PARN: variants seen among roughly 807,000 people sequenced by gnomAD.
The protein encoded by PARN is poly(A)-specific ribonuclease PARN.
In PARN, 71 loss-of-function variants were observed where a neutral mutation model predicts 102.8. The ratio of observed to expected loss-of-function variants is 0.69; its 90% confidence interval spans 0.57 to 0.84. The LOEUF (loss-of-function observed/expected upper bound fraction) is 0.84, where lower values mean the gene tolerates loss of function less well. PARN is among the 40% of genes least tolerant of loss of function. PARN has a pLI of 0.00. For synonymous variants in PARN, 261 were observed against 252.9 expected, an observed-to-expected ratio of 1.03 and a Z score of -0.30; for missense variants, 782 against 760.9, an observed-to-expected ratio of 1.03 and a Z score of -0.33.
At chr16:14,595,910 C>G (rs1200823747) in intron 12 of PARN, among the ~76,000 whole-genome samples, 1 of 152,152 alleles carries the variant, frequency 6.6e-6, no homozygotes, top group African/African-American at 2.4e-5. Flanking sequence ...AGCAGTCCTC[C>G]TGCCTTGACC....
intron 22 of PARN, among the ~76,000 whole-genome samples, chr16:14,459,569 T>C (rs1018125222): frequency 6.6e-6 from 1 of 152,200 alleles, no homozygotes; most frequent in Non-Finnish European, 1.5e-5. Flanking sequence ...GAAGACTCAA[T>C]GTAGTTAAGA....
intron 22 of PARN, among the ~76,000 whole-genome samples, chr16:14,462,847 A>C (rs984912471): frequency 1.3e-5 from 2 of 152,222 alleles, no homozygotes; most frequent in East Asian, 3.8e-4. Context: ...AATCAGACAA[A>C]ATACATGAAA....
chr16:14,573,580 AGAT>A (rs1275372259), intron 18 of PARN, among the ~76,000 whole-genome samples: 2 of 152,250 alleles, frequency 1.3e-5, no homozygotes, highest in African/African-American at 2.4e-5. Flanking sequence ...CCTCGACGGA[AGAT>A]GATACGCTTT....
At chr16:14,547,204 T>A (rs1967007740) in intron 21 of PARN, among the ~76,000 whole-genome samples, 1 of 152,068 alleles carries the variant, frequency 6.6e-6, no homozygotes, top group Non-Finnish European at 1.5e-5. Flanking sequence ...ACTGGCCATG[T>A]ACTGCTTCAT....
At chr16:14,630,015 G>T in intron 1 of PARN, 92 bp downstream of exon 1, 1 of 1,200,138 alleles carries the variant, frequency 8.3e-7, no homozygotes, top group Non-Finnish European at 1.2e-6. Context: ...CTCAGCCCCA[G>T]GCCCAGCCAA....
At chr16:14,571,645 G>A (rs952350426) in intron 18 of PARN, among the ~76,000 whole-genome samples, 1 of 152,140 alleles carries the variant, frequency 6.6e-6, no homozygotes, top group Non-Finnish European at 1.5e-5. Flanking sequence ...TCAGAGAAGT[G>A]TCTCAAACTA....
At chr16:14,538,312 G>A (rs552212522) in intron 21 of PARN, among the ~76,000 whole-genome samples, 8 of 150,650 alleles carry the variant, frequency 5.3e-5, no homozygotes, top group African/African-American at 1.2e-4. Flanking sequence ...TTTGCCCCAC[G>A]GGTTCAAGCA....
At chr16:14,542,823 T>C (rs1004828426) in intron 21 of PARN, among the ~76,000 whole-genome samples, 1 of 151,938 alleles carries the variant, frequency 6.6e-6, no homozygotes, top group Non-Finnish European at 1.5e-5. Context: ...AACAGAGCAT[T>C]AGGAAATACC....
intron 21 of PARN, among the ~76,000 whole-genome samples, chr16:14,530,235 G>C (rs775065954): frequency 1.1e-4 from 17 of 152,134 alleles, no homozygotes; most frequent in Admixed American, 4.6e-4. Context: ...GAAGGAATGA[G>C]CATTTCTTCC....
chr16:14,603,915 G>C (rs1971024731), intron 11 of PARN, among the ~76,000 whole-genome samples: 1 of 152,208 alleles, frequency 6.6e-6, no homozygotes, highest in African/African-American at 2.4e-5. Context: ...TTCAGGACTG[G>C]TTTAAGTAGA....
rs1966853791 is a variant in PARN, at chr16:14,543,476, C to T, written c.1480+8545G>A. Among the ~76,000 whole-genome samples, 3 of 152,260 alleles carry T rather than the reference C, an allele frequency of 2.0e-5. No homozygotes were observed. The East Asian group carries it at 5.8e-4, about 29-fold the overall frequency. ...AGTTTAAAGTAAAATTGTAACACCA[C>T]TTTCTGGGATTTATAATGAATGCAG... On this transcript the variant is annotated intron_variant, in intron 21 of 23. Coordinates refer to ENST00000437198, the MANE Select transcript of PARN (RefSeq NM_002582.4).
In PARN at chr16:14,490,555, TACTTCAC is replaced by T. The variant is rs200215708; in HGVS notation, c.1481-7735_1481-7729del. 8.4e-3 allele frequency among the ~76,000 whole-genome samples: 1,285 copies of T among 152,322 alleles called. 19 individuals are homozygous for T. The highest frequency in any genetic ancestry group is 0.029 in the African/African-American group (1,205 of 41,568). The stretch of plus-strand genomic sequence containing the variant: ...ATGTGTGCCAAGAGTGGCCTCTGCC[TACTTCAC>T]AGGCCCAAATCCTACTCCTCTAATG... On this transcript the variant is annotated intron_variant, in intron 21 of 23. Coordinates refer to ENST00000437198, the MANE Select transcript of PARN (RefSeq NM_002582.4).
Position 14,599,037 on chromosome 16 carries a change from C to CTTT in PARN, c.840+864_840+866dup, listed in dbSNP as rs71150194. On this transcript the variant is annotated intron_variant, in intron 12 of 23. Coordinates refer to ENST00000437198, the MANE Select transcript of PARN (RefSeq NM_002582.4). ...GGATGCCTGTTTTCTTTCTCCTCTT[C>CTTT]TTTTTTTTTTTTTTTTTTTTTTTTG... Among the ~76,000 whole-genome samples, 477 of 81,278 alleles carry CTTT rather than the reference C, an allele frequency of 5.9e-3. 6 individuals are homozygous for CTTT. The highest frequency in any genetic ancestry group is 6.9e-3 in the Non-Finnish European group (299 of 43,452). The allele number at this position is 81,278 out of a possible 152,430, so 53.3% of individuals were successfully genotyped here.
At chr16:14,546,174 A>G (rs1966928099) in intron 21 of PARN, among the ~76,000 whole-genome samples, 1 of 152,236 alleles carries the variant, frequency 6.6e-6, no homozygotes, top group Non-Finnish European at 1.5e-5. Context: ...AAGCACAGGT[A>G]AAGTTCAAAG....
rs770513430 is a variant in PARN, at chr16:14,506,991, G to T, written c.1481-24164C>A. Among the ~76,000 whole-genome samples, 7 of 152,318 alleles carry T rather than the reference G, an allele frequency of 4.6e-5. No homozygotes were observed. In the South Asian group the frequency reaches 1.4e-3, roughly 32 times the overall value. Reference sequence around the variant, plus strand: ...GAAAAAGACTTAATGTTGGAGAAGCGTAACTAATATAACCTTTTTTAGAGG... The same window carrying T: ...GAAAAAGACTTAATGTTGGAGAAGCTTAACTAATATAACCTTTTTTAGAGG... On this transcript the variant is annotated intron_variant, in intron 21 of 23. Transcript: ENST00000437198.
At chr16:14,549,785 T>C (rs1309944342) in intron 21 of PARN, among the ~76,000 whole-genome samples, 1 of 152,258 alleles carries the variant, frequency 6.6e-6, no homozygotes, top group African/African-American at 2.4e-5. Context: ...GGTCAAGCAC[T>C]GATTGTGTAG....
intron 12 of PARN, among the ~76,000 whole-genome samples, chr16:14,599,017 C>T (rs1299157224): frequency 6.6e-6 from 1 of 150,862 alleles, no homozygotes; most frequent in African/African-American, 2.4e-5. Flanking sequence ...AATGCGGATG[C>T]CTGTTTTCTT....
chr16:14,457,796 TCA>T (rs1491113065), intron 22 of PARN, among the ~76,000 whole-genome samples: 10 of 32,570 alleles, frequency 3.1e-4, no homozygotes, highest in African/African-American at 1.1e-3. Flanking sequence ...AGACTCTGTC[TCA>T]AAAAAAAAAA....
intron 23 of PARN, among the ~76,000 whole-genome samples, chr16:14,437,682 A>G (rs1396836624): frequency 1.3e-5 from 2 of 152,208 alleles, no homozygotes; most frequent in Admixed American, 1.3e-4. Context: ...ATTAAGTCAT[A>G]AAGTAGGGCT....
Sources: allele counts gnomAD v4.1 joint callset (sites outside exome capture counted in the v4.1 genomes callset), GRCh38; gene constraint gnomAD v4.1.1; transcripts MANE v1.5; gene names NCBI Gene and HGNC (gene_info 2026-07-23, HGNC 2026-07-21).